TMEM135: variants seen among roughly 807,000 people sequenced by gnomAD.
TMEM135 encodes peroxisomal membrane protein 52.
A neutral mutation model predicts 60.3 loss-of-function variants in TMEM135; 30 were observed. That is an observed-to-expected ratio of 0.50 (90% CI 0.37 to 0.68). The LOEUF (loss-of-function observed/expected upper bound fraction) is 0.68. Ranked by LOEUF, TMEM135 falls within the 30% of genes least tolerant of loss-of-function variation. The probability of loss-of-function intolerance (pLI) is 0.00; values close to 1 mark genes in which losing one functional copy is unlikely to be tolerated. For missense variants in TMEM135, 468 were observed against 548.8 expected (o/e 0.85, Z 1.47); for synonymous variants, 190 against 186.7 (o/e 1.02, Z -0.14).
At chr11:87,161,588 C>G (rs1278063636) in intron 5 of TMEM135, among the ~76,000 whole-genome samples, 1 of 152,060 alleles carries the variant, frequency 6.6e-6, no homozygotes, top group Non-Finnish European at 1.5e-5. Context: ...AACCCTGCTT[C>G]TTAATTAAAT....
At chr11:87,173,043 A>G (rs1204513535) in intron 5 of TMEM135, among the ~76,000 whole-genome samples, 1 of 152,084 alleles carries the variant, frequency 6.6e-6, no homozygotes, top group African/African-American at 2.4e-5. Context: ...AATTCTTTAT[A>G]CAAGGAAACC....
At chr11:87,112,076 G>A (rs1014270022) in intron 4 of TMEM135, among the ~76,000 whole-genome samples, 10 of 152,126 alleles carry the variant, frequency 6.6e-5, no homozygotes, top group African/African-American at 2.4e-4. Context: ...GCAATATAGA[G>A]CATGATTGTT....
chr11:87,058,474 C>T (rs1023243096), intron 1 of TMEM135, among the ~76,000 whole-genome samples: 10 of 151,902 alleles, frequency 6.6e-5, no homozygotes, highest in Admixed American at 2.6e-4. Flanking sequence ...GAATTACAGG[C>T]GTGTGCCACC....
At chr11:87,244,096 C>G (rs1188720017) in intron 6 of TMEM135, among the ~76,000 whole-genome samples, 170 of 78,722 alleles carry the variant, frequency 2.2e-3, no homozygotes, top group Non-Finnish European at 3.0e-3. Flanking sequence ...TTTTCTGCAT[C>G]TATTGAGATA....
intron 5 of TMEM135, 199 bp downstream of exon 5, chr11:87,157,605 T>A: frequency 1.9e-6 from 1 of 517,478 alleles, no homozygotes. Flanking sequence ...TGAAAACAAA[T>A]TACTGTCTTT....
chr11:87,272,952 T>C (rs1941897883), intron 6 of TMEM135, among the ~76,000 whole-genome samples: 6 of 152,246 alleles, frequency 3.9e-5, no homozygotes, highest in Admixed American at 3.9e-4. Context: ...GCCTGTAAGC[T>C]TTTAGGCTAT....
At chr11:87,294,215 A>G (rs1222289466) in intron 6 of TMEM135, among the ~76,000 whole-genome samples, 1 of 152,088 alleles carries the variant, frequency 6.6e-6, no homozygotes, top group East Asian at 1.9e-4. Flanking sequence ...GGGTTGTTTT[A>G]AAACATCTCT....
chr11:87,289,437 C>CTTTTTTTTTT (rs376999371), intron 6 of TMEM135, among the ~76,000 whole-genome samples: 23 of 87,578 alleles, frequency 2.6e-4, no homozygotes, highest in East Asian at 1.1e-3. Context: ...ATCTCCATAT[C>CTTTTTTTTTT]TTTTTTTTTT....
At chr11:87,161,859 A>G (rs185150914) in intron 5 of TMEM135, among the ~76,000 whole-genome samples, 2 of 152,352 alleles carry the variant, frequency 1.3e-5, no homozygotes, top group Non-Finnish European at 2.9e-5. Flanking sequence ...GAATGGAAAG[A>G]GAAATATACC....
chr11:87,205,284 G>A (rs887633553), intron 5 of TMEM135, among the ~76,000 whole-genome samples: 3 of 152,164 alleles, frequency 2.0e-5, no homozygotes, highest in African/African-American at 7.2e-5. Context: ...ATTAGATAGG[G>A]ATATGATTAT....
chr11:87,248,573 G>C (rs1461643014), intron 6 of TMEM135, among the ~76,000 whole-genome samples: 2 of 151,906 alleles, frequency 1.3e-5, no homozygotes, highest in African/African-American at 4.8e-5. Flanking sequence ...TGTTCTTCTT[G>C]CTTATGATAG....
In TMEM135 at chr11:87,043,080, C is replaced by T. The variant is rs138349108; in HGVS notation, c.141+4894C>T. 1.0e-3 allele frequency among the ~76,000 whole-genome samples: 155 copies of T among 151,574 alleles called. 1 individual carries two copies. The highest frequency in any genetic ancestry group is 3.2e-3 in the African/African-American group (132 of 41,170). ...AAGCCATTCTGCTGCCTCAGCCTCC[C>T]GAGTAGCTGGGATTACAGGTATGCA... On this transcript the variant is annotated intron_variant, in intron 1 of 14. Transcript: ENST00000305494.
intron 4 of TMEM135, among the ~76,000 whole-genome samples, chr11:87,137,034 G>T (rs913723164): frequency 6.6e-6 from 1 of 152,004 alleles, no homozygotes; most frequent in African/African-American, 2.4e-5. Context: ...CATCTTTACT[G>T]ATTTTCTCTC....
intron 6 of TMEM135, among the ~76,000 whole-genome samples, chr11:87,260,773 C>T (rs1591148780): frequency 1.3e-5 from 2 of 151,456 alleles, no homozygotes; most frequent in Middle Eastern, 6.8e-3. Flanking sequence ...TTTATTGATT[C>T]CTAATGTGCA....
intron 1 of TMEM135, among the ~76,000 whole-genome samples, chr11:87,042,733 C>G (rs1320544200): frequency 2.0e-5 from 3 of 151,362 alleles, no homozygotes; most frequent in East Asian, 3.8e-4. Flanking sequence ...TTGTACTAAA[C>G]TGATTTCTTC....
At chr11:87,258,173 G>C (rs574680572) in intron 6 of TMEM135, among the ~76,000 whole-genome samples, 1 of 135,666 alleles carries the variant, frequency 7.4e-6, no homozygotes, top group Non-Finnish European at 1.6e-5. Context: ...ACTGTATTCT[G>C]TGTTTATTTT....
At chr11:87,138,660 T>C (rs2135242278) in intron 4 of TMEM135, among the ~76,000 whole-genome samples, 1 of 152,316 alleles carries the variant, frequency 6.6e-6, no homozygotes, top group Middle Eastern at 3.4e-3. Context: ...TAGTGAGAAT[T>C]GTAAATGAAT....
At chr11:87,160,514 A>G (rs1938842376) in intron 5 of TMEM135, among the ~76,000 whole-genome samples, 1 of 152,128 alleles carries the variant, frequency 6.6e-6, no homozygotes, top group African/African-American at 2.4e-5. Flanking sequence ...TAGGATTTGA[A>G]CCCTTGTCTC....
At chr11:87,240,318 T>C (rs1941102143) in intron 6 of TMEM135, among the ~76,000 whole-genome samples, 1 of 152,052 alleles carries the variant, frequency 6.6e-6, no homozygotes, top group South Asian at 2.1e-4. Context: ...ATTATTATTA[T>C]GTATGCTATT....
Sources: allele counts gnomAD v4.1 joint callset (sites outside exome capture counted in the v4.1 genomes callset), GRCh38; gene constraint gnomAD v4.1.1; transcripts MANE v1.5; gene names NCBI Gene and HGNC (gene_info 2026-07-23, HGNC 2026-07-21).